The following FAM13A variants were observed in gnomAD, a reference collection of about 807,000 sequenced individuals.
FAM13A encodes protein FAM13A.
Under a neutral mutation model 129.6 loss-of-function variants are expected in FAM13A, and 76 were observed. The ratio of observed to expected loss-of-function variants is 0.59; its 90% CI spans 0.49 to 0.71. The LOEUF (loss-of-function observed/expected upper bound fraction) is 0.71. Ranked by LOEUF, FAM13A falls within the 30% of genes least tolerant of loss-of-function variation. The pLI is 0.00. For missense variants in FAM13A, 1,108 were observed against 1,249.3 expected, an observed-to-expected ratio of 0.89 and a Z score of 1.70; for synonymous variants, 443 against 449.9, an observed-to-expected ratio of 0.98 and a Z score of 0.20.
chr4:88,731,848 A>C, intron 22 of FAM13A, 154 bp downstream of exon 22: 1 of 645,152 alleles, frequency 1.6e-6, no homozygotes, highest in South Asian at 2.5e-5. Context: ...ATATAAAAAA[A>C]GAAATTTTTT....
At chr4:88,868,843 A>C (rs1740885880) in intron 6 of FAM13A, among the ~76,000 whole-genome samples, 1 of 152,154 alleles carries the variant, frequency 6.6e-6, no homozygotes, top group Admixed American at 6.6e-5. Flanking sequence ...TAGTTTGTTA[A>C]TTATACTACA....
At chr4:88,795,964 T>A (rs543752400) in intron 8 of FAM13A, among the ~76,000 whole-genome samples, 7 of 151,892 alleles carry the variant, frequency 4.6e-5, no homozygotes, top group African/African-American at 1.7e-4. Context: ...GAATTTTCTA[T>A]CTTGTAATTT....
chr4:88,792,435 A>C (rs1303735036), intron 8 of FAM13A, among the ~76,000 whole-genome samples: 1 of 152,002 alleles, frequency 6.6e-6, no homozygotes, highest in African/African-American at 2.4e-5. Context: ...TAATTACAAC[A>C]ATTTCTCCTC....
chr4:88,945,964 C>CTGTG (rs763159585), intron 4 of FAM13A, among the ~76,000 whole-genome samples: 709 of 70,518 alleles, frequency 0.01, 13 homozygotes, highest in South Asian at 0.023. Flanking sequence ...CACATAGTAT[C>CTGTG]TGTGTGTGTG....
intron 6 of FAM13A, among the ~76,000 whole-genome samples, chr4:88,882,165 C>A (rs2150129521): frequency 6.6e-6 from 1 of 152,158 alleles, no homozygotes; most frequent in Non-Finnish European, 1.5e-5. Flanking sequence ...AGATCATCAC[C>A]TAGGCACATA....
chr4:88,754,649 G>C (rs2149490168), intron 14 of FAM13A, among the ~76,000 whole-genome samples: 2 of 152,232 alleles, frequency 1.3e-5, no homozygotes, highest in South Asian at 4.2e-4. Context: ...CTCTTTACTG[G>C]AAGAATTTTA....
intron 6 of FAM13A, among the ~76,000 whole-genome samples, chr4:88,874,153 G>A (rs1040142470): frequency 6.6e-6 from 1 of 152,110 alleles, no homozygotes; most frequent in African/African-American, 2.4e-5. Context: ...AATAATAAGA[G>A]CTATTTATGA....
At chr4:88,793,645 T>A (rs1578685357) in intron 8 of FAM13A, among the ~76,000 whole-genome samples, 1 of 151,908 alleles carries the variant, frequency 6.6e-6, no homozygotes, top group Non-Finnish European at 1.5e-5. Flanking sequence ...ATTGGGTTGG[T>A]TTCTTCACAT....
intron 2 of FAM13A, among the ~76,000 whole-genome samples, chr4:89,026,567 A>G (rs1767994838): frequency 6.6e-6 from 1 of 152,222 alleles, no homozygotes; most frequent in Admixed American, 6.5e-5. Flanking sequence ...ACTTACAATC[A>G]TGGCAGAAGG....
At chr4:88,813,799 A>T (rs1302345490) in intron 7 of FAM13A, among the ~76,000 whole-genome samples, 4 of 152,160 alleles carry the variant, frequency 2.6e-5, no homozygotes, top group Non-Finnish European at 5.9e-5. Context: ...GCTTTTTAGG[A>T]TGATGAGCAG....
In FAM13A at chr4:88,781,171, A is replaced by T. The variant is rs150776555; in HGVS notation, c.1452T>A (p.Gly484=). Residue 484 remains glycine, a synonymous_variant, in exon 11 of 24, where the codon GGT becomes GGA. Coordinates refer to ENST00000264344, the MANE Select transcript of FAM13A (RefSeq NM_014883.4). ...KLSELHDNQD[G]LVNMESLNST... Reference sequence around the variant, plus strand: ...TATAGACGTATTCACTTACCACAAGACCGTCCTGATTGTCATGAAGCTCAG... The same window carrying T: ...TATAGACGTATTCACTTACCACAAGTCCGTCCTGATTGTCATGAAGCTCAG... 1.7e-5 allele frequency: 27 copies of T among 1,605,734 alleles called. No individual in the cohort carries two copies. In the African/African-American group the frequency reaches 3.6e-4, roughly 21 times the overall value.
chr4:88,798,780 T>A (rs570895517), intron 8 of FAM13A, among the ~76,000 whole-genome samples: 1 of 152,194 alleles, frequency 6.6e-6, no homozygotes, highest in Non-Finnish European at 1.5e-5. Flanking sequence ...AAAGGCAGTC[T>A]GCTACCTGTT....
At chr4:88,965,364 C>T (rs995161707) in intron 4 of FAM13A, among the ~76,000 whole-genome samples, 1 of 152,190 alleles carries the variant, frequency 6.6e-6, no homozygotes, top group African/African-American at 2.4e-5. Context: ...CAGCAGACTT[C>T]TCTCAATTAA....
chr4:88,882,927 T>G (rs1456439608), intron 6 of FAM13A, among the ~76,000 whole-genome samples: 1 of 152,152 alleles, frequency 6.6e-6, no homozygotes, highest in Non-Finnish European at 1.5e-5. Context: ...AGGGACATTA[T>G]ATAATGATTA....
At chr4:88,776,694 G>A (rs1425345571) in intron 11 of FAM13A, among the ~76,000 whole-genome samples, 1 of 152,068 alleles carries the variant, frequency 6.6e-6, no homozygotes, top group Non-Finnish European at 1.5e-5. Context: ...GCACCTAGTG[G>A]CCGAGTGTGG....
chr4:88,810,143 T>C (rs1024970168), intron 7 of FAM13A, among the ~76,000 whole-genome samples: 1 of 152,062 alleles, frequency 6.6e-6, no homozygotes, highest in East Asian at 1.9e-4. Flanking sequence ...AGAACAGAAA[T>C]TTTTAGCTAA....
rs776686266 is a variant in FAM13A at position 89,056,961 on chromosome 4, C to T, written c.4G>A (p.Gly2Arg). ...ACACAGATGGCTAGAGCTCCTGCCCCCATTCTCTCAGAAAGCGTCTGGAAG... is the reference window on the plus strand; with the variant it reads ...ACACAGATGGCTAGAGCTCCTGCCCTCATTCTCTCAGAAAGCGTCTGGAAG... M[G>R]AGALAICQSK... The change falls in exon 1 of 24, where the codon GGG (glycine) becomes AGG (arginine). Residue 2 changes from glycine (G) to arginine (R), a missense_variant. Gly to Arg is a moderately radical substitution (Grantham distance 125, BLOSUM62 -2). Around this residue, in one of 3 missense-constraint regions of FAM13A, gnomAD observed 566 missense variants for 595.7 expected, o/e 0.95. Transcript: ENST00000264344. 3 of 1,613,624 alleles carry T rather than the reference C, an allele frequency of 1.9e-6. No homozygotes were observed. The highest frequency in any genetic ancestry group is 2.5e-6 in the Non-Finnish European group (3 of 1,179,828).
chr4:88,807,763 A>T (rs1255614984), intron 7 of FAM13A, among the ~76,000 whole-genome samples: 2 of 152,228 alleles, frequency 1.3e-5, no homozygotes, highest in African/African-American at 4.8e-5. Flanking sequence ...TAAGGTGATT[A>T]ATTTATTAAA....
intron 4 of FAM13A, among the ~76,000 whole-genome samples, chr4:88,949,301 C>T (rs761539965): frequency 6.6e-6 from 1 of 152,090 alleles, no homozygotes. Context: ...CACCCAAGCC[C>T]GAATACACCT....
Sources: allele counts gnomAD v4.1 joint callset (sites outside exome capture counted in the v4.1 genomes callset), GRCh38; gene constraint gnomAD v4.1.1; regional missense constraint gnomAD v4.1.1; transcripts MANE v1.5; gene names NCBI Gene and HGNC (gene_info 2026-07-23, HGNC 2026-07-21).